IKZF5: variants seen among roughly 807,000 people sequenced by gnomAD.
IKZF5 encodes IKAROS family zinc finger 5.
Under a neutral mutation model 30.7 loss-of-function variants are expected in IKZF5, and 4 were observed. The observed-to-expected ratio is 0.13, with a 90% CI of 0.06 to 0.30. IKZF5 has a LOEUF of 0.30. IKZF5 is among the 10% of genes least tolerant of loss of function. IKZF5 has a pLI of 1.00. For synonymous variants in IKZF5, 148 were observed against 179.6 expected (o/e 0.82, Z 1.41); for missense variants, 348 against 525.5 (o/e 0.66, Z 3.30).
rs1849183627 is a variant in IKZF5 at position 122,992,127 on chromosome 10, G to C, written c.*1653C>G. On this transcript the variant is annotated 3_prime_UTR_variant, in exon 5 of 5. Transcript: ENST00000368886. ...ATTTTAAAGTACAAGATTTGACAAA[G>C]AAGAGAGTTCCAGTTTGGAGAAAGT... The C allele has an allele frequency of 1.3e-5, 2 of 152,132 alleles. No homozygotes were observed. Among genetic ancestry groups the C allele is most frequent in the South Asian group, 4.1e-4 (2 of 4,834 alleles). 9.4% of individuals were successfully genotyped at this position (152,132 alleles called of 1,614,324 possible).
chr10:123,006,367 T>C (rs17659827), intron 2 of IKZF5, among the ~76,000 whole-genome samples: 3,304 of 152,248 alleles, frequency 0.022, 61 homozygotes, highest in Non-Finnish European at 0.029. Flanking sequence ...AATGCAAGCA[T>C]ATATACAAGC....
chr10:123,002,990 T>C (rs1244514302), intron 2 of IKZF5, among the ~76,000 whole-genome samples: 3 of 151,932 alleles, frequency 2.0e-5, no homozygotes, highest in East Asian at 1.9e-4. Context: ...TTGGAAAAAA[T>C]GGATGGTTGC....
rs1371116970 is a variant in IKZF5 at position 123,007,157 on chromosome 10, T to C, written c.-178A>G. On this transcript the variant is annotated 5_prime_UTR_variant, in exon 2 of 5. Transcript: ENST00000368886. ...CATGGAGAGAGAATTTCAACTAAAA[T>C]TGAAAAGCCATACAGAGGTCTGCAT... The C allele has an allele frequency of 6.6e-6, 1 of 152,138 alleles. No homozygotes were observed. Among genetic ancestry groups the C allele is most frequent in the African/African-American group, 2.4e-5 (1 of 41,426 alleles). 9.4% of individuals were successfully genotyped at this position (152,138 alleles called of 1,614,324 possible). A position where few individuals can be genotyped will look rare whatever the true frequency, so the allele number is the denominator to read the frequency against.
At chr10:122,995,327 T>A (rs1156675722) in intron 4 of IKZF5, among the ~76,000 whole-genome samples, 1 of 152,216 alleles carries the variant, frequency 6.6e-6, no homozygotes, top group Non-Finnish European at 1.5e-5. Context: ...AACTGAAGAC[T>A]GCCCAATTAT....
chr10:122,995,011 A>G (rs1589715150), intron 4 of IKZF5: 1 of 342,710 alleles, frequency 2.9e-6, no homozygotes, highest in Non-Finnish European at 5.2e-6. Context: ...GAAACAGTAC[A>G]ATTGAAATAT....
intron 3 of IKZF5, among the ~76,000 whole-genome samples, chr10:122,997,825 G>T (rs1381313935): frequency 6.6e-6 from 1 of 152,196 alleles, no homozygotes; most frequent in Admixed American, 6.5e-5. Context: ...GAACTTCACA[G>T]AATTTTCATG....
intron 3 of IKZF5, chr10:122,997,406 G>A (rs1435374324): frequency 1.3e-5 from 2 of 152,236 alleles, no homozygotes; most frequent in African/African-American, 2.4e-5. Flanking sequence ...CGAGGGACAA[G>A]GCTCAGTGTC....
chr10:122,994,560 C>T lies in IKZF5; in HGVS notation c.480G>A (p.Lys160=). Residue 160 remains lysine, a synonymous_variant, in exon 5 of 5, where the codon AAG becomes AAA. Transcript: ENST00000368886. The surrounding 1 kb of genome is among the most constrained non-coding windows in gnomAD (Gnocchi z 5.6). ...TACCTTTAATTGGTACCATTTTATG[C>T]TTGCGCCTTCGATGATGGGACAAGT... The part of the protein sequence containing the change: ...RSNLSHHRRR[K]HKMVPIKGTR... 6.2e-7 allele frequency: 1 copy of T among 1,614,164 alleles called. No homozygotes were observed. The highest frequency in any genetic ancestry group is 8.5e-7 in the Non-Finnish European group (1 of 1,180,040).
rs1025518747 is a variant in IKZF5 at position 122,998,436 on chromosome 10, G to A, written c.133+57C>T. The stretch of plus-strand genomic sequence containing the variant: ...GTGGTCTTCACAGTAACAGCTACAC[G>A]CAATCATAGTACGTGTATAAAAAGT... On this transcript the variant is annotated intron_variant, in intron 3 of 4. Transcript: ENST00000368886. 68 of 1,424,950 alleles carry A rather than the reference G, an allele frequency of 4.8e-5. No homozygotes were observed. In the African/African-American group the frequency reaches 7.3e-4, roughly 15 times the overall value. The allele number at this position is 1,424,950 out of a possible 1,614,324, so 88.3% of individuals were successfully genotyped here. A position where few individuals can be genotyped will look rare whatever the true frequency, so the allele number is the denominator to read the frequency against.
chr10:122,996,862 A>G (rs1168564423), intron 3 of IKZF5, among the ~76,000 whole-genome samples: 1 of 152,182 alleles, frequency 6.6e-6, no homozygotes. Context: ...TATTTCTACA[A>G]CTGAAACTGG....
At position 123,008,750 on chromosome 10, in the gene IKZF5, C is replaced by CCGCCGTCTTCGT; in HGVS notation, c.-266_-255dup. ...GCCTTGTTAAATGCCGTCGCCGCCG[C>CCGCCGTCTTCGT]CGCCGTCTTCGTCACCGTCACAGTC... is the stretch of plus-strand genomic sequence containing the variant. On this transcript the variant is annotated 5_prime_UTR_variant, in exon 1 of 5. Coordinates refer to ENST00000368886, the MANE Select transcript of IKZF5 (RefSeq NM_001372123.1). 1.7e-6 allele frequency: 1 copy of CCGCCGTCTTCGT among 595,508 alleles called. No homozygotes were observed. Among genetic ancestry groups the CCGCCGTCTTCGT allele is most frequent in the Non-Finnish European group, 3.0e-6 (1 of 333,202 alleles). The allele number at this position is 595,508 out of a possible 1,614,324, so 36.9% of individuals were successfully genotyped here.
rs149040742 is a variant in IKZF5 at position 122,997,718 on chromosome 10, T to A, written c.133+775A>T. Among the ~76,000 whole-genome samples the A allele has an allele frequency of 3.3e-5, 5 of 152,340 alleles. No individual in the cohort carries two copies. In the East Asian group the frequency reaches 9.6e-4, roughly 29 times the overall value. On this transcript the variant is annotated intron_variant, in intron 3 of 4. Coordinates refer to ENST00000368886, the MANE Select transcript of IKZF5 (RefSeq NM_001372123.1). ...CTCTACCACAACTGCTCAACTCTGCTGTTTTAGCAAAACAAACAAAAACAG... is the reference window on the plus strand; with the variant it reads ...CTCTACCACAACTGCTCAACTCTGCAGTTTTAGCAAAACAAACAAAAACAG...
rs547136855 is a variant in IKZF5 at position 122,999,736 on chromosome 10, G to A, written c.-46-1065C>T. Among the ~76,000 whole-genome samples, 52 of 152,338 alleles carry A rather than the reference G, an allele frequency of 3.4e-4. No individual in the cohort carries two copies. In the South Asian group the frequency reaches 7.0e-3, roughly 21 times the overall value. On this transcript the variant is annotated intron_variant, in intron 2 of 4. Coordinates refer to ENST00000368886, the MANE Select transcript of IKZF5 (RefSeq NM_001372123.1). The stretch of plus-strand genomic sequence containing the variant: ...AAAAAGTAAAAGAAAATCCCTGACC[G>A]TAGTGTAGAAAGGGAAAGTCTCTTG...
At chr10:122,995,460 C>T (rs1387213995) in intron 4 of IKZF5, among the ~76,000 whole-genome samples, 1 of 151,834 alleles carries the variant, frequency 6.6e-6, no homozygotes, top group Non-Finnish European at 1.5e-5. Flanking sequence ...CCTCAAGAGG[C>T]TCTCAGGCTA....
At chr10:123,008,053 G>A (rs989503909) in intron 1 of IKZF5, among the ~76,000 whole-genome samples, 2 of 152,062 alleles carry the variant, frequency 1.3e-5, no homozygotes, top group African/African-American at 4.8e-5. Context: ...TTGGCTACTC[G>A]CGCTCCACAC....
chr10:123,008,759 T>TC lies in IKZF5; in HGVS notation c.-264dup. 1 of 601,474 alleles carries TC rather than the reference T, an allele frequency of 1.7e-6. No homozygotes were observed. Among genetic ancestry groups the TC allele is most frequent in the Non-Finnish European group, 3.0e-6 (1 of 336,764 alleles). The allele number at this position is 601,474 out of a possible 1,614,324, so 37.3% of individuals were successfully genotyped here. A position where few individuals can be genotyped will look rare whatever the true frequency, so the allele number is the denominator to read the frequency against. ...AATGCCGTCGCCGCCGCCGCCGTCT[T>TC]CGTCACCGTCACAGTCGCCGCCGCC... On this transcript the variant is annotated 5_prime_UTR_variant, in exon 1 of 5. An upstream open reading frame in the 5' UTR gains an earlier in-frame stop. Transcript: ENST00000368886.
chr10:122,994,419 C>T lies in IKZF5; in HGVS notation c.621G>A (p.Gln207=), dbSNP rs371700139. Residue 207 remains glutamine (Q), a synonymous_variant, in exon 5 of 5, where the codon CAG becomes CAA. Transcript: ENST00000368886. The surrounding 1 kb of genome is among the most constrained non-coding windows in gnomAD (Gnocchi z 5.6). ...INLSPPSMVV[Q]KPDYLNDFTH... is the part of the protein sequence containing the mutation. ...TAAAATCGTTAAGGTAGTCTGGTTT[C>T]TGAACCACCATGGAAGGTGGACTTA... The T allele has an allele frequency of 1.5e-5, 25 of 1,613,994 alleles. No individual in the cohort carries two copies. The African/African-American group carries it at 1.6e-4, about 10-fold the overall frequency.
chr10:123,001,297 C>A (rs909961766), intron 2 of IKZF5, among the ~76,000 whole-genome samples: 16 of 152,110 alleles, frequency 1.1e-4, no homozygotes, highest in Admixed American at 7.9e-4. Flanking sequence ...TGAGCCACTG[C>A]GCCCGGCCTT....
intron 2 of IKZF5, among the ~76,000 whole-genome samples, chr10:123,000,223 A>G (rs552484600): frequency 2.0e-5 from 3 of 152,330 alleles, no homozygotes; most frequent in African/African-American, 7.2e-5. Flanking sequence ...GTACCCTTCC[A>G]ATGCTAGGAC....
Sources: gnomAD v4.1 joint callset for allele counts (sites outside exome capture counted in the v4.1 genomes callset) on GRCh38, gnomAD v4.1.1 for gene constraint, Gnocchi (gnomAD v3.1) non-coding constraint, MANE v1.5 for transcripts, NCBI Gene and HGNC (gene_info 2026-07-23, HGNC 2026-07-21) for gene names.